The following SLBP variants were observed in gnomAD, a reference collection of about 807,000 sequenced individuals.
The protein encoded by SLBP is histone RNA hairpin-binding protein.
SLBP carries 29 observed loss-of-function variants against 39.2 expected under a neutral mutation model. That is an observed-to-expected ratio of 0.74 (90% CI 0.55 to 1.01). The LOEUF is 1.01. SLBP is among the 50% of genes least tolerant of loss of function. The probability of loss-of-function intolerance (pLI) is 0.00; values close to 1 mark genes in which losing one functional copy is unlikely to be tolerated. For synonymous variants in SLBP, 129 were observed against 118.7 expected (o/e 1.09, Z -0.57); for missense variants, 390 against 350.2 (o/e 1.11, Z -0.91).
Position 1,703,682 on chromosome 4 carries a change from G to A in SLBP, c.195C>T (p.Gly65=). 1 of 1,612,152 alleles carries A rather than the reference G, an allele frequency of 6.2e-7. No individual in the cohort carries two copies. The highest frequency in any genetic ancestry group is 8.5e-7 in the Non-Finnish European group (1 of 1,178,182). Residue 65 remains glycine (G), a synonymous_variant, in exon 3 of 8, where the codon GGC becomes GGT. Transcript: ENST00000489418. ...CAGAGCATCTGGAACGGGGTTTAGGGCCTTCAGGAGTGGTAAAGCTGCAAT... is the reference window on the plus strand; with the variant it reads ...CAGAGCATCTGGAACGGGGTTTAGGACCTTCAGGAGTGGTAAAGCTGCAAT... ...RRPESFTTPE[G]PKPRSRCSDW...
At chr4:1,708,738 A>G (rs567743368) in intron 2 of SLBP, among the ~76,000 whole-genome samples, 1 of 152,362 alleles carries the variant, frequency 6.6e-6, no homozygotes, top group South Asian at 2.1e-4. Flanking sequence ...CTAATTTTAC[A>G]CACTAAGCTA....
At position 1,712,237 on chromosome 4, in the gene SLBP, CG is replaced by C. The variant is rs1309319683; in HGVS notation, c.-50del. On this transcript the variant is annotated 5_prime_UTR_variant, in exon 1 of 8. Coordinates refer to ENST00000489418, the MANE Select transcript of SLBP (RefSeq NM_006527.4). ...CGCAGGGCCGAGGCTGAGGCGGCGG[CG>C]GCGCGGGCAGAGAGCGCAGAGTAGA... is the stretch of plus-strand genomic sequence containing the variant. The C allele has an allele frequency of 8.5e-7, 1 of 1,172,838 alleles. No homozygotes were observed. 72.7% of individuals were successfully genotyped at this position (1,172,838 alleles called of 1,614,324 possible).
intron 3 of SLBP, among the ~76,000 whole-genome samples, chr4:1,702,254 T>G (rs2108660938): frequency 6.6e-6 from 1 of 152,322 alleles, no homozygotes; most frequent in Middle Eastern, 3.4e-3. Flanking sequence ...AATGCAATAA[T>G]TCACTAAAAA....
chr4:1,703,808 G>C, intron 2 of SLBP, 108 bp from the exon 3 acceptor site: 1 of 810,724 alleles, frequency 1.2e-6, no homozygotes, highest in East Asian at 2.5e-5. Flanking sequence ...GCTTGTGCCT[G>C]TAATACCAGC....
chr4:1,699,655 T>A lies in SLBP; in HGVS notation c.388A>T (p.Thr130Ser), dbSNP rs777942841. 1.9e-6 allele frequency: 3 copies of A among 1,613,568 alleles called. No homozygotes were observed. The African/African-American group carries it at 4.0e-5, about 22-fold the overall frequency. Residue 130 changes from threonine (T) to serine (S), a missense_variant, in exon 5 of 8, where the codon ACA becomes TCA. Transcript: ENST00000489418. ...CTCCTCATTAGGACACTTTCATCTG[T>A]CTCAAAGTCAGCCGGCACAGTAGAC... ...SMSTVPADFETDESVLMRRQK... is the reference protein window; with the variant it reads ...SMSTVPADFESDESVLMRRQK...
chr4:1,693,054 A>G lies in SLBP; in HGVS notation c.*543T>C, dbSNP rs1715976663. On this transcript the variant is annotated 3_prime_UTR_variant, in exon 8 of 8. Coordinates refer to ENST00000489418, the MANE Select transcript of SLBP (RefSeq NM_006527.4). ...TTTACAAGTACCAAATTAAGACCATATAACTTACATAAAACTCATTAGTTT... is the reference window on the plus strand; with the variant it reads ...TTTACAAGTACCAAATTAAGACCATGTAACTTACATAAAACTCATTAGTTT... 1 of 154,682 alleles carries G rather than the reference A, an allele frequency of 6.5e-6. No individual in the cohort carries two copies. The highest frequency in any genetic ancestry group is 1.4e-5 in the Non-Finnish European group (1 of 69,226). 9.6% of individuals were successfully genotyped at this position (154,682 alleles called of 1,614,324 possible). A position where few individuals can be genotyped will look rare whatever the true frequency, so the allele number is the denominator to read the frequency against.
intron 2 of SLBP, among the ~76,000 whole-genome samples, chr4:1,707,398 C>G (rs868582320): frequency 1.3e-5 from 2 of 149,674 alleles, no homozygotes; most frequent in Non-Finnish European, 3.0e-5. Context: ...CCCAGCTACT[C>G]GGGAGGCTAA....
intron 3 of SLBP, among the ~76,000 whole-genome samples, chr4:1,700,360 C>T (rs569645735): frequency 1.3e-5 from 2 of 152,296 alleles, no homozygotes; most frequent in South Asian, 2.1e-4. Context: ...GCCTACTGGG[C>T]ACTGCATACC....
At chr4:1,708,545 T>C (rs1395544413) in intron 2 of SLBP, among the ~76,000 whole-genome samples, 2 of 152,228 alleles carry the variant, frequency 1.3e-5, no homozygotes, top group Non-Finnish European at 2.9e-5. Context: ...GCATCCTCAC[T>C]AGTGTATCAA....
rs1716809522 is a variant in SLBP at position 1,712,217 on chromosome 4, G to A, written c.-29C>T. 4.0e-6 allele frequency: 5 copies of A among 1,253,100 alleles called. No individual in the cohort carries two copies. The highest frequency in any genetic ancestry group is 5.0e-6 in the Non-Finnish European group (5 of 992,598). 77.6% of individuals were successfully genotyped at this position (1,253,100 alleles called of 1,614,324 possible). A position where few individuals can be genotyped will look rare whatever the true frequency, so the allele number is the denominator to read the frequency against. ...AGCACGGGCCGGGCGCGCAGCGCAG[G>A]GCCGAGGCTGAGGCGGCGGCGGCGC... is the stretch of plus-strand genomic sequence containing the variant. On this transcript the variant is annotated 5_prime_UTR_variant, in exon 1 of 8. Coordinates refer to ENST00000489418, the MANE Select transcript of SLBP (RefSeq NM_006527.4).
At chr4:1,709,212 C>A (rs779981173) in intron 2 of SLBP, among the ~76,000 whole-genome samples, 3 of 152,080 alleles carry the variant, frequency 2.0e-5, no homozygotes, top group East Asian at 3.9e-4. Flanking sequence ...TACAGGCATG[C>A]GCCACCATGC....
intron 2 of SLBP, among the ~76,000 whole-genome samples, chr4:1,711,131 T>C (rs924059707): frequency 2.7e-5 from 4 of 149,952 alleles, no homozygotes; most frequent in African/African-American, 9.7e-5. Flanking sequence ...TTTTTCCTTT[T>C]GGCACAGTGA....
intron 2 of SLBP, among the ~76,000 whole-genome samples, chr4:1,708,446 T>TA (rs2108664607): frequency 6.6e-6 from 1 of 152,318 alleles, no homozygotes; most frequent in South Asian, 2.1e-4. Flanking sequence ...TTCCAGATTC[T>TA]AAAAATGGTA....
intron 5 of SLBP, among the ~76,000 whole-genome samples, chr4:1,697,488 A>AT (rs1716155483): frequency 6.6e-6 from 1 of 151,952 alleles, no homozygotes; most frequent in Admixed American, 6.6e-5. Context: ...AAATAAATAA[A>AT]AAATCAACTG....
Position 1,693,600 on chromosome 4 carries a change from G to A in SLBP, c.810C>T (p.Ser270=). ...CTTCCTGGCCGCCAGGGGGCAGTTA[G>A]CTCATGGCTGAGAAGTCTCTCAAGG... ...TEPLRDFSAM[S] The change falls in exon 8 of 8, where the codon AGC becomes AGT. Residue 270 remains serine (S), a synonymous_variant. Transcript: ENST00000489418. 1 of 1,600,982 alleles carries A rather than the reference G, an allele frequency of 6.2e-7. No homozygotes were observed. The highest frequency in any genetic ancestry group is 1.3e-5 in the African/African-American group (1 of 74,832).
Position 1,700,070 on chromosome 4 carries a change from T to C in SLBP, c.282A>G (p.Arg94=), listed in dbSNP as rs1716267791. 6.3e-7 allele frequency: 1 copy of C among 1,587,132 alleles called. No individual in the cohort carries two copies. Among genetic ancestry groups the C allele is most frequent in the African/African-American group, 1.3e-5 (1 of 74,096 alleles). The change falls in exon 4 of 8, where the codon AGA becomes AGG. Residue 94 remains arginine (R), a splice_region_variant and synonymous_variant. Coordinates refer to ENST00000489418, the MANE Select transcript of SLBP (RefSeq NM_006527.4). The part of the protein sequence containing the change: ...MRTRVNKEMA[R]YKRKLLINDF... ...CATTGATGAGGAGTTTCCTTTTATA[T>C]CTGAGGGCAAAATAAATATTGCTGT...
intron 5 of SLBP, among the ~76,000 whole-genome samples, chr4:1,698,494 GTTTTT>G (rs1170061839): frequency 1.4e-5 from 2 of 143,810 alleles, no homozygotes; most frequent in African/African-American, 5.1e-5. Context: ...AAAAAAAATT[GTTTTT>G]TTTGAGATGG....
At chr4:1,697,158 TAAAAAAAAAAAAAAAA>T (rs59715153) in intron 5 of SLBP, among the ~76,000 whole-genome samples, 1 of 32,756 alleles carries the variant, frequency 3.1e-5, no homozygotes, top group African/African-American at 1.1e-4. Flanking sequence ...GACTCCACCT[TAAAAAAAAAAAAAAAA>T]AAAAAAAAAA....
intron 5 of SLBP, 47 bp downstream of exon 5, chr4:1,699,517 G>T (rs771040419): frequency 1.9e-6 from 3 of 1,602,302 alleles, no homozygotes; most frequent in Middle Eastern, 1.7e-4. Context: ...CTTTAGAAAC[G>T]CAATGCCACA....
Sources: gnomAD v4.1 joint callset for allele counts (sites outside exome capture counted in the v4.1 genomes callset) on GRCh38, gnomAD v4.1.1 for gene constraint, MANE v1.5 for transcripts, NCBI Gene and HGNC (gene_info 2026-07-23, HGNC 2026-07-21) for gene names.